MID1: variants seen among roughly 807,000 people sequenced by gnomAD.
MID1 encodes the protein E3 ubiquitin-protein ligase Midline-1.
In MID1, 7 loss-of-function variants were observed where a neutral mutation model predicts 40.4. The observed-to-expected ratio is 0.17, with a 90% CI of 0.10 to 0.33. The LOEUF is 0.33. Among genes scored for constraint, MID1 ranks in the 10% least tolerant of loss-of-function variants. The probability of loss-of-function intolerance (pLI) is 1.00; values close to 1 mark genes in which losing one functional copy is unlikely to be tolerated. For missense variants in MID1, 367 were observed against 558.5 expected (o/e 0.66, Z 3.46); for synonymous variants, 229 against 221.2 (o/e 1.04, Z -0.31).
intron 9 of MID1, among the ~76,000 whole-genome samples, chrX:10,451,454 A>C (rs2090097043): frequency 9.0e-6 from 1 of 110,893 alleles, no homozygotes; most frequent in African/African-American, 3.3e-5. Context: ...AGAGCAGCAG[A>C]CTCCCTGACT....
At chrX:10,698,351 A>G (rs2043173956) in intron 1 of MID1, among the ~76,000 whole-genome samples, 1 of 112,436 alleles carries the variant, frequency 8.9e-6, no homozygotes, top group African/African-American at 3.2e-5. Context: ...TAGTTTTTAA[A>G]AAACGGATCT....
chrX:10,707,810 C>T (rs778931609), intron 1 of MID1, among the ~76,000 whole-genome samples: 28 of 112,476 alleles, frequency 2.5e-4, no homozygotes, highest in African/African-American at 7.4e-4. Context: ...GTAATATTTT[C>T]TTTTGCTCTC....
chrX:10,706,531 TC>T (rs754408977), intron 1 of MID1, among the ~76,000 whole-genome samples: 13 of 110,579 alleles, frequency 1.2e-4, no homozygotes, highest in African/African-American at 4.3e-4. Flanking sequence ...AAAGCGTTTT[TC>T]CCCCTTTTGC....
intron 1 of MID1, among the ~76,000 whole-genome samples, chrX:10,693,457 G>C (rs1396807411): frequency 9.1e-6 from 1 of 110,006 alleles, no homozygotes; most frequent in Non-Finnish European, 1.9e-5. Context: ...TTCCCGAAGT[G>C]CTGGGATTAT....
chrX:10,584,427 G>T (rs1049305387), intron 1 of MID1, among the ~76,000 whole-genome samples: 5 of 112,029 alleles, frequency 4.5e-5, no homozygotes, highest in Non-Finnish European at 9.4e-5. Context: ...GAAATGAATA[G>T]AGACATTGGA....
In MID1 at chrX:10,447,245, T is replaced by A. The variant is rs1323221873; in HGVS notation, c.*2123A>T. On this transcript the variant is annotated 3_prime_UTR_variant, in exon 10 of 10. Transcript: ENST00000317552. ...AAATGGCTTACTGTGAAAATTTGAG[T>A]AGTAACTTCTTAATATTGAAAAACA... The A allele has an allele frequency of 1.8e-5, 2 of 111,792 alleles. No homozygotes were observed. The highest frequency in any genetic ancestry group is 6.5e-5 in the African/African-American group (2 of 30,699). 9.2% of individuals were successfully genotyped at this position (111,792 alleles called of 1,213,427 possible).
intron 1 of MID1, among the ~76,000 whole-genome samples, chrX:10,568,732 T>C (rs931631544): frequency 2.7e-5 from 3 of 111,394 alleles, no homozygotes; most frequent in African/African-American, 9.8e-5. Flanking sequence ...AGTGCTTTTG[T>C]GAACTCTCAT....
intron 1 of MID1, among the ~76,000 whole-genome samples, chrX:10,740,389 T>G (rs1359156956): frequency 8.9e-6 from 1 of 112,542 alleles, no homozygotes. Context: ...TATCAGGGGT[T>G]CCGATGTTGA....
chrX:10,479,013 A>G (rs777015307), intron 5 of MID1, among the ~76,000 whole-genome samples: 1 of 111,772 alleles, frequency 8.9e-6, no homozygotes, highest in Non-Finnish European at 1.9e-5. Flanking sequence ...GACAGAGAGT[A>G]GCATTGGAAA....
intron 3 of MID1, among the ~76,000 whole-genome samples, chrX:10,517,202 T>G (rs770659465): frequency 9.0e-6 from 1 of 110,905 alleles, no homozygotes; most frequent in African/African-American, 3.3e-5. Flanking sequence ...GTGCTGTGAG[T>G]TTTTTTTAGC....
intron 1 of MID1, among the ~76,000 whole-genome samples, chrX:10,664,255 G>C (rs1002886022): frequency 1.8e-5 from 2 of 110,716 alleles, no homozygotes; most frequent in Non-Finnish European, 3.8e-5. Flanking sequence ...TCCACCTCCC[G>C]GGTTCAAGCG....
At chrX:10,714,146 G>A (rs764312349) in intron 1 of MID1, among the ~76,000 whole-genome samples, 1 of 112,226 alleles carries the variant, frequency 8.9e-6, no homozygotes, top group South Asian at 3.8e-4. Flanking sequence ...CCCTCTTACA[G>A]GCTCCATAGC....
chrX:10,494,158 T>C (rs776934657), intron 4 of MID1, among the ~76,000 whole-genome samples: 20 of 112,532 alleles, frequency 1.8e-4, no homozygotes, highest in African/African-American at 5.2e-4. Context: ...TAATCTACTA[T>C]ACCAGCATCA....
chrX:10,664,407 T>C (rs1174618590), intron 1 of MID1, among the ~76,000 whole-genome samples: 3 of 111,924 alleles, frequency 2.7e-5, no homozygotes, highest in African/African-American at 9.7e-5. Context: ...TGACCTCAAA[T>C]GATCCACCTG....
At chrX:10,581,230 T>C (rs181425627) in intron 1 of MID1, among the ~76,000 whole-genome samples, 3 of 111,109 alleles carry the variant, frequency 2.7e-5, no homozygotes, top group Admixed American at 9.5e-5. Flanking sequence ...GCCTGGGTGA[T>C]AGAGTAAAAA....
At chrX:10,717,823 G>T (rs1333606203) in intron 1 of MID1, among the ~76,000 whole-genome samples, 23 of 111,364 alleles carry the variant, frequency 2.1e-4, no homozygotes, top group Admixed American at 7.6e-4. Context: ...AAATGTAAAA[G>T]AACAGAAATT....
intron 3 of MID1, among the ~76,000 whole-genome samples, chrX:10,511,846 C>T (rs1932175666): frequency 8.9e-6 from 1 of 112,654 alleles, no homozygotes; most frequent in African/African-American, 3.2e-5. Context: ...TTACATTCCA[C>T]ATACACCTTA....
At chrX:10,506,437 GA>G in intron 3 of MID1, 3 of 707,120 alleles carry the variant, frequency 4.2e-6, no homozygotes, top group Non-Finnish European at 6.5e-6. Flanking sequence ...TGGGCAACTG[GA>G]GATTAACCCC....
chrX:10,753,348 C>T (rs908349730), intron 1 of MID1, among the ~76,000 whole-genome samples: 9 of 110,591 alleles, frequency 8.1e-5, no homozygotes, highest in African/African-American at 3.0e-4. Flanking sequence ...GCTGTGTTCC[C>T]ATGCCAAAAC....
Sources: gnomAD v4.1 joint callset for allele counts (sites outside exome capture counted in the v4.1 genomes callset) on GRCh38, gnomAD v4.1.1 for gene constraint, MANE v1.5 for transcripts, NCBI Gene and HGNC (gene_info 2026-07-23, HGNC 2026-07-21) for gene names.